Variants in EDRF1 observed in about 807,000 individuals in gnomAD.
The protein encoded by EDRF1 is erythroid differentiation-related factor 1.
In EDRF1, 69 loss-of-function variants were observed where a neutral mutation model predicts 148.7. That is an observed-to-expected ratio of 0.46 (90% CI 0.38 to 0.57). The LOEUF (loss-of-function observed/expected upper bound fraction) is 0.57, where lower values mean the gene tolerates loss of function less well. Ranked by LOEUF, EDRF1 falls within the 20% of genes least tolerant of loss-of-function variation. The probability of loss-of-function intolerance (pLI) is 0.00; values close to 1 mark genes in which losing one functional copy is unlikely to be tolerated. For missense variants in EDRF1, 1,118 were observed against 1,478.7 expected, an observed-to-expected ratio of 0.76 and a Z score of 4.00; for synonymous variants, 515 against 532.8, an observed-to-expected ratio of 0.97 and a Z score of 0.46.
chr10:125,744,604 T>C (rs1034101661), intron 18 of EDRF1: 6 of 152,318 alleles, frequency 3.9e-5, no homozygotes, highest in African/African-American at 1.4e-4. Context: ...GGGCAGTCAG[T>C]GAGGGAGCCT....
chr10:125,757,145 A>G (rs1849944581), intron 24 of EDRF1: 1 of 342,020 alleles, frequency 2.9e-6, no homozygotes, highest in Non-Finnish European at 5.6e-6. Flanking sequence ...CAGTCTTACA[A>G]TTGGTGTCTC....
Position 125,738,002 on chromosome 10 carries a change from T to G in EDRF1, c.1830+13T>G. On this transcript the variant is annotated intron_variant, in intron 14 of 24. Coordinates refer to ENST00000356792, the MANE Select transcript of EDRF1 (RefSeq NM_001202438.2). The stretch of plus-strand genomic sequence containing the variant: ...CTATGTTCTAGAGGTAAGTTTAAGT[T>G]TAGTCTTCACTTTTTTCGTAAAGTT... 2.5e-6 allele frequency: 4 copies of G among 1,612,842 alleles called. No homozygotes were observed. The highest frequency in any genetic ancestry group is 2.5e-6 in the Non-Finnish European group (3 of 1,178,874).
chr10:125,738,172 GAA>G, intron 14 of EDRF1, 121 bp from the exon 15 acceptor site: 2 of 1,417,802 alleles, frequency 1.4e-6, no homozygotes, highest in Non-Finnish European at 2.0e-6. Context: ...CATAGTTTTT[GAA>G]AGTCTGTTTG....
rs763700038 is a variant in EDRF1 at position 125,735,660 on chromosome 10, A to G, written c.1514A>G (p.Asn505Ser). 16 of 1,612,988 alleles carry G rather than the reference A, an allele frequency of 9.9e-6. No homozygotes were observed. The highest frequency in any genetic ancestry group is 6.8e-6 in the Non-Finnish European group (8 of 1,179,310). The change falls in exon 13 of 25, where the codon AAT becomes AGT. Residue 505 changes from asparagine (N) to serine (S), a missense_variant. By Grantham distance (46) the Asn-to-Ser change is conservative (BLOSUM62 1). Around this residue, in one of 3 missense-constraint regions of EDRF1, gnomAD observed 954 missense variants for 1,241.4 expected, o/e 0.77. Transcript: ENST00000356792. Reference protein sequence around the residue: ...SRHPQIIASANYMLSELFQLD... With the variant: ...SRHPQIIASASYMLSELFQLD... ...TTTCATAAGATTATTGCTTCCGCCA[A>G]TTACATGCTTTCAGAACTTTTTCAA... is the stretch of plus-strand genomic sequence containing the variant.
Position 125,742,106 on chromosome 10 carries a change from GT to G in EDRF1, c.2371+907del, listed in dbSNP as rs141738088. ...AAAGGTATAACAGTTGGTGAAGGAGGTTAATTAACCTTCTGAATGATTCCTT... is the reference window on the plus strand; with the variant it reads ...AAAGGTATAACAGTTGGTGAAGGAGGTAATTAACCTTCTGAATGATTCCTT... On this transcript the variant is annotated intron_variant, in intron 17 of 24. Transcript: ENST00000356792. 4,521 of 708,920 alleles carry G rather than the reference GT, an allele frequency of 6.4e-3. 106 individuals are homozygous for G. The East Asian group carries it at 0.088, about 14-fold the overall frequency. 43.9% of individuals were successfully genotyped at this position (708,920 alleles called of 1,614,324 possible).
rs942959064 is a variant in EDRF1 at position 125,737,957 on chromosome 10, C to T, written c.1798C>T (p.Arg600Cys). 1.9e-6 allele frequency: 3 copies of T among 1,613,942 alleles called. No individual in the cohort carries two copies. Among genetic ancestry groups the T allele is most frequent in the Non-Finnish European group, 2.5e-6 (3 of 1,179,928 alleles). The change falls in exon 14 of 25, where the codon CGC (arginine) becomes TGC (cysteine). Residue 600 changes from arginine (R) to cysteine (C), a missense_variant. Arg to Cys is a radical substitution (Grantham distance 180, BLOSUM62 -3). Around this residue, in one of 3 missense-constraint regions of EDRF1, gnomAD observed 954 missense variants for 1,241.4 expected, o/e 0.77. Coordinates refer to ENST00000356792, the MANE Select transcript of EDRF1 (RefSeq NM_001202438.2). Reference protein sequence around the residue: ...AFPVCHDTEERCRLVLSYVLE... With the variant: ...AFPVCHDTEECCRLVLSYVLE... ...TCCAGTTTGCCATGACACAGAAGAGCGCTGTAGACTTGTGCTTAGCTATGT... is the reference window on the plus strand; with the variant it reads ...TCCAGTTTGCCATGACACAGAAGAGTGCTGTAGACTTGTGCTTAGCTATGT...
At chr10:125,727,303 G>A (rs1848303788) in intron 6 of EDRF1, among the ~76,000 whole-genome samples, 2 of 152,208 alleles carry the variant, frequency 1.3e-5, no homozygotes, top group African/African-American at 4.8e-5. Flanking sequence ...CTCTTACAGA[G>A]TACTTTTCTT....
At chr10:125,748,086 A>G (rs113518665) in intron 21 of EDRF1, 74 bp downstream of exon 21, 1 of 1,528,144 alleles carries the variant, frequency 6.5e-7, no homozygotes, top group Non-Finnish European at 9.1e-7. Flanking sequence ...TTTTTTTAAC[A>G]TGGTCATATA....
intron 11 of EDRF1, 152 bp downstream of exon 11, chr10:125,733,895 C>A: frequency 3.3e-6 from 3 of 900,602 alleles, no homozygotes; most frequent in Non-Finnish European, 3.5e-6. Context: ...AAATATTACT[C>A]AGCTTTCTTA....
chr10:125,726,312 A>G (rs1356269727), intron 6 of EDRF1, among the ~76,000 whole-genome samples: 1 of 152,226 alleles, frequency 6.6e-6, no homozygotes, highest in East Asian at 1.9e-4. Flanking sequence ...TCAGATTGTT[A>G]GACCTAAAAT....
intron 4 of EDRF1, among the ~76,000 whole-genome samples, chr10:125,724,495 C>T (rs975370664): frequency 3.9e-5 from 6 of 152,134 alleles, no homozygotes; most frequent in African/African-American, 7.2e-5. Context: ...TAGGCTATAC[C>T]GTATGACCTA....
chr10:125,761,298 AGTTT>A, intron 24 of EDRF1: 1 of 329,350 alleles, frequency 3.0e-6, no homozygotes, highest in Non-Finnish European at 6.1e-6. Flanking sequence ...TAGCAGTAGC[AGTTT>A]GTTAGGCCAA....
intron 17 of EDRF1, chr10:125,742,330 G>A (rs546125200): frequency 3.2e-6 from 4 of 1,268,028 alleles, no homozygotes; most frequent in East Asian, 1.1e-4. Flanking sequence ...TGAAGTAAAA[G>A]ATGAGTCTTC....
intron 23 of EDRF1, among the ~76,000 whole-genome samples, chr10:125,753,478 G>C (rs879893535): frequency 6.6e-6 from 1 of 152,108 alleles, no homozygotes; most frequent in East Asian, 1.9e-4. Flanking sequence ...TGGAAAGTCA[G>C]GATTAATTTC....
intron 12 of EDRF1, among the ~76,000 whole-genome samples, chr10:125,734,576 AT>A (rs1848639878): frequency 6.6e-6 from 1 of 152,168 alleles, no homozygotes; most frequent in African/African-American, 2.4e-5. Context: ...AATTCATGTA[AT>A]TCTAACAGTA....
At chr10:125,749,675 G>T (rs1388777417) in intron 22 of EDRF1, 110 bp downstream of exon 22, 1 of 1,342,354 alleles carries the variant, frequency 7.4e-7, no homozygotes, top group Non-Finnish European at 1.0e-6. Flanking sequence ...TTTTTAATTT[G>T]CCCCATAGTT....
chr10:125,720,373 T>A (rs1400549740), intron 1 of EDRF1, among the ~76,000 whole-genome samples: 1 of 152,138 alleles, frequency 6.6e-6, no homozygotes, highest in East Asian at 1.9e-4. Flanking sequence ...CCCCAATGCC[T>A]TTCTATGAAG....
intron 6 of EDRF1, among the ~76,000 whole-genome samples, chr10:125,726,071 C>T (rs537781975): frequency 1.2e-3 from 189 of 151,890 alleles, no homozygotes; most frequent in Non-Finnish European, 2.5e-3. Context: ...TTTATTAAAT[C>T]GAAATATAAT....
chr10:125,723,041 A>T, intron 2 of EDRF1, 27 bp from the exon 3 acceptor site: 2 of 1,587,328 alleles, frequency 1.3e-6, no homozygotes, highest in Non-Finnish European at 1.7e-6. Context: ...TGACCTCATA[A>T]CCTGTGTCCT....
Sources: allele counts gnomAD v4.1 joint callset (sites outside exome capture counted in the v4.1 genomes callset), GRCh38; gene constraint gnomAD v4.1.1; regional missense constraint gnomAD v4.1.1; transcripts MANE v1.5; gene names NCBI Gene and HGNC (gene_info 2026-07-23, HGNC 2026-07-21).